Variants in PRKAR1A observed in about 807,000 individuals in gnomAD.
The protein encoded by PRKAR1A is cAMP-dependent protein kinase type I-alpha regulatory subunit.
A neutral mutation model predicts 52.0 loss-of-function variants in PRKAR1A; 3 were observed. That is an observed-to-expected ratio of 0.06 (90% CI 0.03 to 0.15). The LOEUF (loss-of-function observed/expected upper bound fraction) is 0.15. Among genes scored for constraint, PRKAR1A ranks in the 10% least tolerant of loss-of-function variants. The pLI is 1.00. For missense variants in PRKAR1A, 240 were observed against 477.4 expected (o/e 0.50, Z 4.63); for synonymous variants, 188 against 168.4 (o/e 1.12, Z -0.90).
intron 11 of PRKAR1A, chr17:68,539,241 C>A: frequency 8.5e-7 from 1 of 1,176,012 alleles, no homozygotes; most frequent in Non-Finnish European, 1.3e-6. Flanking sequence ...ACGTCCTGGA[C>A]CAGTGAAAAC....
At chr17:68,473,712 G>A in the PRKAR1A span, among the ~76,000 whole-genome samples, 3 of 152,084 alleles carry the variant, frequency 2.0e-5, no homozygotes, top group Non-Finnish European at 2.9e-5. Flanking sequence ...TACTAGAGAC[G>A]GGGTTTAACC....
chr17:68,431,545 G>C, the PRKAR1A span, among the ~76,000 whole-genome samples: 1 of 152,174 alleles, frequency 6.6e-6, no homozygotes, highest in Non-Finnish European at 1.5e-5. Flanking sequence ...TGTCTGAGGA[G>C]GAGGTGTCAT....
At chr17:68,504,581 G>T in the PRKAR1A span, among the ~76,000 whole-genome samples, 1 of 152,198 alleles carries the variant, frequency 6.6e-6, no homozygotes, top group Non-Finnish European at 1.5e-5. Context: ...AGTGAAGTAG[G>T]CCAAGCACAG....
At chr17:68,430,262 G>A in the PRKAR1A span, 2 of 1,197,974 alleles carry the variant, frequency 1.7e-6, no homozygotes, top group East Asian at 2.4e-5. Flanking sequence ...CCCCGCAGCA[G>A]GGAGAGACTG....
chr17:68,472,369 G>A, the PRKAR1A span, among the ~76,000 whole-genome samples: 5 of 152,122 alleles, frequency 3.3e-5, no homozygotes, highest in Non-Finnish European at 7.4e-5. Context: ...GGGGGACACA[G>A]GTGGAACTCC....
At chr17:68,421,644 G>A in the PRKAR1A span, 2 of 1,335,236 alleles carry the variant, frequency 1.5e-6, no homozygotes, top group East Asian at 4.6e-5. Context: ...TGTGGTTTAA[G>A]CAGTGGAGCA....
At chr17:68,480,049 TG>T in the PRKAR1A span, among the ~76,000 whole-genome samples, 1 of 152,194 alleles carries the variant, frequency 6.6e-6, no homozygotes, top group Non-Finnish European at 1.5e-5. Context: ...GTGGGGAATA[TG>T]GAAACTACAA....
intron 1 of PRKAR1A, 149 bp from the exon 2 acceptor site, chr17:68,515,245 C>A: frequency 4.0e-6 from 3 of 751,344 alleles, no homozygotes; most frequent in Non-Finnish European, 6.7e-6. Context: ...ATATTTTATT[C>A]CCTAGTCCCC....
chr17:68,427,033 C>G, the PRKAR1A span: 1 of 970,008 alleles, frequency 1.0e-6, no homozygotes, highest in East Asian at 2.4e-5. Flanking sequence ...GGGCACTCCA[C>G]CCCCAGGTAA....
the PRKAR1A span, among the ~76,000 whole-genome samples, chr17:68,499,863 G>A: frequency 3.3e-5 from 5 of 152,178 alleles, no homozygotes; most frequent in African/African-American, 9.7e-5. Context: ...GCCCAGGCTC[G>A]CCATGCAGTT....
chr17:68,490,984 A>C, the PRKAR1A span, among the ~76,000 whole-genome samples: 1 of 151,976 alleles, frequency 6.6e-6, no homozygotes, highest in Non-Finnish European at 1.5e-5. Flanking sequence ...ATCAGCCTTC[A>C]TCTCTGTCCT....
chr17:68,474,977 A>G, the PRKAR1A span, among the ~76,000 whole-genome samples: 1 of 152,348 alleles, frequency 6.6e-6, no homozygotes, highest in Admixed American at 6.5e-5. Context: ...TGTCTTTTTA[A>G]GTTCTAAAAT....
downstream of PRKAR1A, chr17:68,537,706 A>G (rs777626642): frequency 1.2e-6 from 2 of 1,613,580 alleles, no homozygotes; most frequent in South Asian, 2.2e-5. This position sits in a 1 kb window ranked among gnomAD's most constrained non-coding sequence, Gnocchi z 4.2. Flanking sequence ...AGCTTGGGCC[A>G]GCAGCTGCAG....
the PRKAR1A span, among the ~76,000 whole-genome samples, chr17:68,486,566 TTTC>T: frequency 3.5e-5 from 5 of 144,756 alleles, no homozygotes; most frequent in African/African-American, 1.0e-4. Context: ...TCTTTCTTTC[TTTC>T]TTCTTTCCTT....
chr17:68,477,372 AC>A, the PRKAR1A span, among the ~76,000 whole-genome samples: 2 of 152,238 alleles, frequency 1.3e-5, no homozygotes, highest in African/African-American at 4.8e-5. Context: ...GCCAAGACTC[AC>A]TATGAGACTG....
At chr17:68,457,158 G>A in the PRKAR1A span, among the ~76,000 whole-genome samples, 94 of 152,224 alleles carry the variant, frequency 6.2e-4, 2 homozygotes, top group African/African-American at 2.1e-3. Flanking sequence ...GGTGGGGTGG[G>A]GGGTGCGGCA....
At chr17:68,455,913 A>C in the PRKAR1A span, among the ~76,000 whole-genome samples, 1 of 152,214 alleles carries the variant, frequency 6.6e-6, no homozygotes, top group South Asian at 2.1e-4. Flanking sequence ...TCACCCAGGC[A>C]TTTCAACAGC....
the PRKAR1A span, chr17:68,420,350 G>A: frequency 7.9e-5 from 128 of 1,614,002 alleles, no homozygotes; most frequent in Non-Finnish European, 9.7e-5. Context: ...TCTTGCAGAC[G>A]TCCTCCAAGA....
rs541578930 is a variant in PRKAR1A at position 68,540,918 on chromosome 17, T to G, written c.974-10166T>G. On this transcript the variant is annotated intron_variant, in intron 11 of 11. Coordinates refer to the PRKAR1A transcript ENST00000585981. ...CGCTGGCTGTTGTTGTACGGGTAGA[T>G]CTGTTTCACTGTGTCACAGTAAAGG... is the stretch of plus-strand genomic sequence containing the variant. 2.1e-5 allele frequency: 34 copies of G among 1,602,516 alleles called. No individual in the cohort carries two copies. In the South Asian group the frequency reaches 3.6e-4, roughly 17 times the overall value.
Sources: allele counts gnomAD v4.1 joint callset (sites outside exome capture counted in the v4.1 genomes callset), GRCh38; gene constraint gnomAD v4.1.1; non-coding constraint Gnocchi (gnomAD v3.1); transcripts MANE v1.5; gene names NCBI Gene and HGNC (gene_info 2026-07-23, HGNC 2026-07-21).